Variants in CSDE1 observed in about 807,000 individuals in gnomAD.
The protein encoded by CSDE1 is cold shock domain-containing protein E1.
CSDE1 carries 17 observed loss-of-function variants against 89.3 expected under a neutral mutation model. That is an observed-to-expected ratio of 0.19 (90% CI 0.13 to 0.29). CSDE1 has a LOEUF of 0.29. Ranked by LOEUF, CSDE1 falls within the 10% of genes least tolerant of loss-of-function variation. The pLI, the probability that CSDE1 is intolerant of heterozygous loss-of-function variation, is 1.00. For missense variants in CSDE1, 672 were observed against 984.2 expected, an observed-to-expected ratio of 0.68 and a Z score of 4.24; for synonymous variants, 322 against 332.8, an observed-to-expected ratio of 0.97 and a Z score of 0.35.
chr1:114,749,785 A>G (rs1369540287), intron 2 of CSDE1, 36 bp downstream of exon 2: 1 of 152,674 alleles, frequency 6.5e-6, no homozygotes, highest in Non-Finnish European at 1.5e-5. Context: ...ATCTAGAATT[A>G]TGGAACTGAT....
chr1:114,727,215 A>G, intron 12 of CSDE1, 125 bp from the exon 13 acceptor site: 1 of 598,344 alleles, frequency 1.7e-6, no homozygotes, highest in Non-Finnish European at 2.9e-6. Context: ...GTCTTATTCC[A>G]GCATTTTCTA....
At chr1:114,750,479 T>C (rs557498352) in intron 1 of CSDE1, among the ~76,000 whole-genome samples, 2 of 152,308 alleles carry the variant, frequency 1.3e-5, no homozygotes, top group South Asian at 4.1e-4. Flanking sequence ...CATGGCATAA[T>C]GTTTAATTTA....
At chr1:114,730,775 A>G in intron 10 of CSDE1, 127 bp from the exon 11 acceptor site, 1 of 1,107,688 alleles carries the variant, frequency 9.0e-7, no homozygotes, top group East Asian at 2.5e-5. Flanking sequence ...CTGTATCCAC[A>G]TTTGAACTGT....
rs759285900 is a variant in CSDE1 at position 114,718,764 on chromosome 1, A to G, written c.2217-19T>C. 15 of 1,612,012 alleles carry G rather than the reference A, an allele frequency of 9.3e-6. No individual in the cohort carries two copies. Among genetic ancestry groups the G allele is most frequent in the Non-Finnish European group, 1.2e-5 (14 of 1,179,126 alleles). On this transcript the variant is annotated intron_variant, in intron 18 of 19. Coordinates refer to ENST00000358528, the MANE Select transcript of CSDE1 (RefSeq NM_001007553.3). The stretch of plus-strand genomic sequence containing the variant: ...GCCCTCACTGTAATTAAGTCAAAAG[A>G]TGAGAAGAAACCACACTTGGTGGGC...
intron 4 of CSDE1, 57 bp downstream of exon 4, chr1:114,737,906 G>T: frequency 8.8e-7 from 1 of 1,141,056 alleles, no homozygotes; most frequent in Non-Finnish European, 1.3e-6. Flanking sequence ...CTTTTCTAAT[G>T]TGAAAGATAT....
At chr1:114,723,856 A>C in intron 16 of CSDE1, 27 bp downstream of exon 16, 1 of 1,613,426 alleles carries the variant, frequency 6.2e-7, no homozygotes, top group Non-Finnish European at 8.5e-7. Context: ...GGCAAATTTC[A>C]AACAGCCTGA....
intron 10 of CSDE1, among the ~76,000 whole-genome samples, chr1:114,731,390 T>TAAAA (rs368044895): frequency 3.7e-5 from 5 of 134,374 alleles, no homozygotes; most frequent in African/African-American, 1.1e-4. Flanking sequence ...TTTGAAAATG[T>TAAAA]AAAAAAAAAA....
chr1:114,753,657 T>C (rs974404515), intron 1 of CSDE1, among the ~76,000 whole-genome samples: 7 of 152,166 alleles, frequency 4.6e-5, no homozygotes, highest in Admixed American at 1.3e-4. Flanking sequence ...TGGCTCTCGC[T>C]TGTAATCCCC....
intron 2 of CSDE1, among the ~76,000 whole-genome samples, chr1:114,742,161 T>TC (rs1245100263): frequency 6.6e-6 from 1 of 152,204 alleles, no homozygotes; most frequent in African/African-American, 2.4e-5. Context: ...ACTCAGGTAT[T>TC]CTGAGGAAAG....
At chr1:114,738,728 C>T (rs947267287) in intron 3 of CSDE1, among the ~76,000 whole-genome samples, 17 of 128,504 alleles carry the variant, frequency 1.3e-4, no homozygotes, top group East Asian at 4.5e-4. Flanking sequence ...TGGAGTGCAG[C>T]GGCACGATCT....
intron 10 of CSDE1, among the ~76,000 whole-genome samples, chr1:114,731,680 A>G (rs1385012718): frequency 1.3e-5 from 2 of 152,222 alleles, no homozygotes; most frequent in Non-Finnish European, 2.9e-5. Flanking sequence ...TTAAAAAACA[A>G]TTTGTGAAGT....
At position 114,718,228 on chromosome 1, in the gene CSDE1, A is replaced by G; in HGVS notation, c.2350-12T>C. On this transcript the variant is annotated splice_polypyrimidine_tract_variant and intron_variant, in intron 19 of 19. Coordinates refer to ENST00000358528, the MANE Select transcript of CSDE1 (RefSeq NM_001007553.3). Reference sequence around the variant, plus strand: ...TCTGCACCAAACCCCTGTGGGGGGGAGAAAAAAAAAACCCTGCAGTTAATG... The same window carrying G: ...TCTGCACCAAACCCCTGTGGGGGGGGGAAAAAAAAAACCCTGCAGTTAATG... 2 of 1,609,912 alleles carry G rather than the reference A, an allele frequency of 1.2e-6. No individual in the cohort carries two copies. The highest frequency in any genetic ancestry group is 1.7e-6 in the Non-Finnish European group (2 of 1,178,526).
intron 6 of CSDE1, among the ~76,000 whole-genome samples, chr1:114,734,960 T>C (rs976097219): frequency 3.3e-5 from 5 of 152,248 alleles, no homozygotes; most frequent in African/African-American, 9.6e-5. Context: ...AGTAAGGTAC[T>C]GGTGATACAG....
intron 2 of CSDE1, among the ~76,000 whole-genome samples, chr1:114,744,340 G>A (rs1382483047): frequency 6.6e-6 from 1 of 152,162 alleles, no homozygotes; most frequent in Non-Finnish European, 1.5e-5. Context: ...CTAGCACTTT[G>A]AGAGGCCGAG....
chr1:114,720,419 G>T lies in CSDE1; in HGVS notation c.2052+120C>A, dbSNP rs545348439. The T allele has an allele frequency of 1.4e-5, 13 of 946,834 alleles. No individual in the cohort carries two copies. The South Asian group carries it at 2.5e-4, about 18-fold the overall frequency. 58.7% of individuals were successfully genotyped at this position (946,834 alleles called of 1,614,324 possible). Reference sequence around the variant, plus strand: ...CTACCTCAAATGACTGAAAAAAGGTGAAGTAGAAATAAAAAAACGAATGAA... The same window carrying T: ...CTACCTCAAATGACTGAAAAAAGGTTAAGTAGAAATAAAAAAACGAATGAA... On this transcript the variant is annotated intron_variant, in intron 17 of 19. Transcript: ENST00000358528.
At chr1:114,731,660 A>G (rs1055968070) in intron 10 of CSDE1, among the ~76,000 whole-genome samples, 30 of 152,228 alleles carry the variant, frequency 2.0e-4, no homozygotes, top group African/African-American at 7.0e-4. Flanking sequence ...CCACTCCCAG[A>G]CACAAACTCT....
At chr1:114,749,307 A>G (rs1441351601) in intron 2 of CSDE1, among the ~76,000 whole-genome samples, 2 of 151,530 alleles carry the variant, frequency 1.3e-5, no homozygotes. Flanking sequence ...TTCATTCGTT[A>G]TATTTCAGCA....
chr1:114,718,183 C>G lies in CSDE1; in HGVS notation c.2383G>C (p.Gly795Arg). 6.2e-7 allele frequency: 1 copy of G among 1,613,846 alleles called. No homozygotes were observed. Among genetic ancestry groups the G allele is most frequent in the Non-Finnish European group, 8.5e-7 (1 of 1,179,956 alleles). Reference sequence around the variant, plus strand: ...TGTGGATGTGGTTAGTCAATGACACCAGCTTGACGGATCTTTCTTTCTGCA... The same window carrying G: ...TGTGGATGTGGTTAGTCAATGACACGAGCTTGACGGATCTTTCTTTCTGCA... The part of the protein sequence containing the change: ...FGAERKIRQA[G>R]VID The change falls in exon 20 of 20, where the codon GGT becomes CGT. Residue 795 changes from glycine to arginine, a missense_variant. Coordinates refer to ENST00000358528, the MANE Select transcript of CSDE1 (RefSeq NM_001007553.3).
At chr1:114,746,334 ACATCCC>A (rs1661008660) in intron 2 of CSDE1, among the ~76,000 whole-genome samples, 1 of 152,212 alleles carries the variant, frequency 6.6e-6, no homozygotes, top group Admixed American at 6.5e-5. Context: ...AAACTAAAAC[ACATCCC>A]CATCATTTCT....
Sources: allele counts gnomAD v4.1 joint callset (sites outside exome capture counted in the v4.1 genomes callset), GRCh38; gene constraint gnomAD v4.1.1; transcripts MANE v1.5; gene names NCBI Gene and HGNC (gene_info 2026-07-23, HGNC 2026-07-21).